The following FARP1 variants were observed in gnomAD, a reference collection of about 807,000 sequenced individuals.
FARP1 encodes the protein FERM, ARH/RhoGEF and pleckstrin domain protein 1.
In FARP1, 52 loss-of-function variants were observed where a neutral mutation model predicts 128.8. The observed-to-expected ratio is 0.40, with a 90% confidence interval of 0.32 to 0.51. The LOEUF (loss-of-function observed/expected upper bound fraction) is 0.51. FARP1 is among the 20% of genes least tolerant of loss of function. The pLI, the probability that FARP1 is intolerant of heterozygous loss-of-function variation, is 0.45. For missense variants in FARP1, 1,333 were observed against 1,367.9 expected (o/e 0.97, Z 0.40); for synonymous variants, 580 against 551.8 (o/e 1.05, Z -0.72).
intron 16 of FARP1, among the ~76,000 whole-genome samples, chr13:98,423,427 G>A (rs557606303): frequency 6.6e-6 from 1 of 152,264 alleles, no homozygotes; most frequent in South Asian, 2.1e-4. Flanking sequence ...TTGTTTGTTT[G>A]TTTGTTTGTT....
At chr13:98,167,255 G>T in intron 1 of FARP1, among the ~76,000 whole-genome samples, 1 of 152,076 alleles carries the variant, frequency 6.6e-6, no homozygotes, top group Admixed American at 6.5e-5. Context: ...GCGTTCCTTT[G>T]TATATGGAGA....
chr13:98,147,509 G>A (rs1277656557), intron 1 of FARP1, among the ~76,000 whole-genome samples: 1 of 151,778 alleles, frequency 6.6e-6, no homozygotes, highest in Non-Finnish European at 1.5e-5. Flanking sequence ...GACCACAAGA[G>A]TAACTTCACT....
intron 17 of FARP1, among the ~76,000 whole-genome samples, chr13:98,429,168 G>T (rs3848024): frequency 0.99 from 151,456 of 152,306 alleles, 75,311 homozygotes; most frequent in Middle Eastern, 1. Flanking sequence ...TGATAAGGGC[G>T]GTTGTGGAAA....
chr13:98,438,807 T>G lies in FARP1; in HGVS notation c.2278T>G (p.Phe760Val). ...IDNLVVPGRE[F>V]IRLGSLSKLS... ...CTCCGGTCTGTCTCCCCTGCAGGAG[T>G]TCATCCGTCTGGGCAGCCTCAGCAA... Residue 760 changes from phenylalanine (F) to valine (V), a missense_variant, in exon 20 of 27, where the codon TTC becomes GTC. Physicochemically the swap from Phe to Val is conservative, Grantham distance 50 (BLOSUM62 -1). Coordinates refer to ENST00000319562, the MANE Select transcript of FARP1 (RefSeq NM_005766.4). 16 of 1,612,262 alleles carry G rather than the reference T, an allele frequency of 9.9e-6. No individual in the cohort carries two copies. The highest frequency in any genetic ancestry group is 1.3e-5 in the Non-Finnish European group (15 of 1,179,760).
At chr13:98,400,629 C>G (rs1186947679) in intron 13 of FARP1, 1 of 152,196 alleles carries the variant, frequency 6.6e-6, no homozygotes, top group African/African-American at 2.4e-5. Flanking sequence ...ATCTGGATCC[C>G]TTCTCTTTGC....
At chr13:98,266,506 G>A (rs919781935) in intron 2 of FARP1, among the ~76,000 whole-genome samples, 6 of 152,228 alleles carry the variant, frequency 3.9e-5, no homozygotes, top group African/African-American at 1.4e-4. Flanking sequence ...TGATCACCCT[G>A]GTGTGAACAT....
At chr13:98,438,468 G>A (rs917704718) in intron 19 of FARP1, among the ~76,000 whole-genome samples, 2 of 152,214 alleles carry the variant, frequency 1.3e-5, no homozygotes, top group Middle Eastern at 3.4e-3. Context: ...TCTTGAACCC[G>A]ACCGTCCGTA....
At chr13:98,312,149 T>TTTTTTTTC (rs1471202648) in intron 2 of FARP1, among the ~76,000 whole-genome samples, 2 of 135,818 alleles carry the variant, frequency 1.5e-5, no homozygotes, top group Admixed American at 1.5e-4. Flanking sequence ...TTTTTTTTTT[T>TTTTTTTTC]TTTTTCTTTG....
intron 1 of FARP1, among the ~76,000 whole-genome samples, chr13:98,199,723 A>T (rs1879812774): frequency 6.6e-6 from 1 of 152,208 alleles, no homozygotes; most frequent in South Asian, 2.1e-4. Flanking sequence ...TTGGCTGCAG[A>T]CTAAAAAATG....
Position 98,431,206 on chromosome 13 carries a change from TGCACTACAA to T in FARP1, c.2073_2081del (p.His691_Lys693del), listed in dbSNP as rs1566314374. On this transcript the variant is annotated inframe_deletion, in exon 18 of 27. Transcript: ENST00000319562. The stretch of plus-strand genomic sequence containing the variant: ...CTCCTGCGGCCACTGCACCGGCTCA[TGCACTACAA>T]GCAGGTCCTGGAGCGGCTGTGCAAA... The T allele has an allele frequency of 6.2e-7, 1 of 1,610,036 alleles. No individual in the cohort carries two copies. Among genetic ancestry groups the T allele is most frequent in the East Asian group, 2.2e-5 (1 of 44,620 alleles).
chr13:98,211,351 C>A (rs1423790384), intron 1 of FARP1, among the ~76,000 whole-genome samples: 1 of 152,186 alleles, frequency 6.6e-6, no homozygotes, highest in African/African-American at 2.4e-5. Flanking sequence ...GGGAACTGCG[C>A]ATGCGAGGGA....
At chr13:98,329,766 T>C (rs1204409405) in intron 2 of FARP1, 2 of 152,180 alleles carry the variant, frequency 1.3e-5, no homozygotes, top group African/African-American at 4.8e-5. Context: ...GGAATTATGG[T>C]TTTAAAATTA....
At chr13:98,171,539 A>G (rs1877653121) in intron 1 of FARP1, among the ~76,000 whole-genome samples, 1 of 152,150 alleles carries the variant, frequency 6.6e-6, no homozygotes, top group Non-Finnish European at 1.5e-5. Flanking sequence ...CTCTTAAAGT[A>G]TATTTACTGG....
rs373916617 is a variant in FARP1, at chr13:98,265,795, GGA to G, written c.171+52383_171+52384del. Among the ~76,000 whole-genome samples, 511 of 152,250 alleles carry G rather than the reference GGA, an allele frequency of 3.4e-3. 2 individuals carry two copies. Among genetic ancestry groups the G allele is most frequent in the African/African-American group, 0.012 (492 of 41,546 alleles). On this transcript the variant is annotated intron_variant, in intron 2 of 26. Transcript: ENST00000319562. ...ATGTATATGGGGCTTCTGTTCTGCT[GGA>G]AGCTCTGGATCCTGTGGCGTGGGGA...
At chr13:98,186,940 C>T (rs1878914050) in intron 1 of FARP1, among the ~76,000 whole-genome samples, 1 of 127,510 alleles carries the variant, frequency 7.8e-6, no homozygotes, top group African/African-American at 3.0e-5. Context: ...TGCAGTGAGC[C>T]AAGATCGCGC....
chr13:98,399,260 A>G (rs537277065), intron 13 of FARP1: 2 of 152,360 alleles, frequency 1.3e-5, no homozygotes, highest in African/African-American at 2.4e-5. Flanking sequence ...TAAAGATTCT[A>G]TAACATTGGC....
chr13:98,382,459 C>T (rs1355774934), intron 6 of FARP1: 1 of 152,124 alleles, frequency 6.6e-6, no homozygotes, highest in Admixed American at 6.5e-5. Context: ...ATTCGGCTCT[C>T]TTTATATGGA....
chr13:98,198,173 A>C (rs1243206372), intron 1 of FARP1, among the ~76,000 whole-genome samples: 1 of 152,216 alleles, frequency 6.6e-6, no homozygotes, highest in African/African-American at 2.4e-5. Flanking sequence ...GAGGCTATAA[A>C]GGGGCTTGTC....
intron 2 of FARP1, among the ~76,000 whole-genome samples, chr13:98,281,812 G>A (rs1318012672): frequency 6.6e-6 from 1 of 152,166 alleles, no homozygotes; most frequent in Non-Finnish European, 1.5e-5. Context: ...TTAATAGTAA[G>A]TTACCCAGCT....
Sources: gnomAD v4.1 joint callset for allele counts (sites outside exome capture counted in the v4.1 genomes callset) on GRCh38, gnomAD v4.1.1 for gene constraint, MANE v1.5 for transcripts, NCBI Gene and HGNC (gene_info 2026-07-23, HGNC 2026-07-21) for gene names.